Variants in ZNF780B observed in about 807,000 individuals in gnomAD.
ZNF780B encodes zinc finger protein 780B.
Under a neutral mutation model 74.1 loss-of-function variants are expected in ZNF780B, and 52 were observed. The observed-to-expected ratio is 0.70, with a 90% CI of 0.56 to 0.88. The LOEUF (loss-of-function observed/expected upper bound fraction) is 0.88, where lower values mean the gene tolerates loss of function less well. ZNF780B is among the 40% of genes least tolerant of loss of function. The probability of loss-of-function intolerance (pLI) is 0.00; values close to 1 mark genes in which losing one functional copy is unlikely to be tolerated. For synonymous variants in ZNF780B, 315 were observed against 324.3 expected, an observed-to-expected ratio of 0.97 and a Z score of 0.31; for missense variants, 953 against 1,007.6, an observed-to-expected ratio of 0.95 and a Z score of 0.73.
At position 40,034,034 on chromosome 19, in the gene ZNF780B, G is replaced by A. The variant is rs904656987; in HGVS notation, c.*323C>T. On this transcript the variant is annotated 3_prime_UTR_variant, in exon 5 of 5. Coordinates refer to ENST00000434248, the MANE Select transcript of ZNF780B (RefSeq NM_001005851.3). The stretch of plus-strand genomic sequence containing the variant: ...CACTCACAGGGTTTCTCAGCAGTAC[G>A]GATTCTCAGATGTACAGTAAGATCA... The A allele has an allele frequency of 1.1e-4, 40 of 357,534 alleles. No individual in the cohort carries two copies. Among genetic ancestry groups the A allele is most frequent in the African/African-American group, 6.9e-4 (33 of 47,622 alleles). 22.1% of individuals were successfully genotyped at this position (357,534 alleles called of 1,614,324 possible). A position where few individuals can be genotyped will look rare whatever the true frequency, so the allele number is the denominator to read the frequency against.
chr19:40,029,360 C>A lies in ZNF780B; in HGVS notation c.*4997G>T, dbSNP rs892375658. 18 of 154,540 alleles carry A rather than the reference C, an allele frequency of 1.2e-4. No individual in the cohort carries two copies. Among genetic ancestry groups the A allele is most frequent in the African/African-American group, 4.3e-4 (18 of 41,506 alleles). 9.6% of individuals were successfully genotyped at this position (154,540 alleles called of 1,614,324 possible). ...TCTTTACAACGCTGCTCAGAAACACCATGACAAATTTAAATCAGAGCAATA... is the reference window on the plus strand; with the variant it reads ...TCTTTACAACGCTGCTCAGAAACACAATGACAAATTTAAATCAGAGCAATA... On this transcript the variant is annotated 3_prime_UTR_variant, in exon 5 of 5. Coordinates refer to ENST00000434248, the MANE Select transcript of ZNF780B (RefSeq NM_001005851.3).
chr19:40,034,883 T>C lies in ZNF780B; in HGVS notation c.1976A>G (p.His659Arg). Residue 659 changes from histidine to arginine, a missense_variant, in exon 5 of 5, where the codon CAT becomes CGT. His to Arg is a conservative substitution (Grantham distance 29). Coordinates refer to ENST00000434248, the MANE Select transcript of ZNF780B (RefSeq NM_001005851.3). ...SFNRVSNLVQHQSIHAGVKPY... is the reference protein window; with the variant it reads ...SFNRVSNLVQRQSIHAGVKPY... ...TTTTACACCAGCATGAATACTCTGA[T>C]GTTGAACAAGGTTTGAGACACGATT... 6.2e-7 allele frequency: 1 copy of C among 1,613,946 alleles called. No individual in the cohort carries two copies. The highest frequency in any genetic ancestry group is 8.5e-7 in the Non-Finnish European group (1 of 1,179,960).
intron 1 of ZNF780B, chr19:40,055,447 C>T (rs1311639362): frequency 6.6e-6 from 1 of 152,196 alleles, no homozygotes; most frequent in East Asian, 1.9e-4. Context: ...ATAACGCTCT[C>T]ATCCTCCTCT....
At chr19:40,048,895 A>G (rs1973072168) in intron 2 of ZNF780B, 99 bp from the exon 3 acceptor site, 2 of 1,557,074 alleles carry the variant, frequency 1.3e-6, no homozygotes, top group African/African-American at 2.7e-5. Context: ...AAGGAGCAAT[A>G]TGGAAAATCG....
In ZNF780B at chr19:40,031,079, G is replaced by A. The variant is rs1344325199; in HGVS notation, c.*3278C>T. On this transcript the variant is annotated 3_prime_UTR_variant, in exon 5 of 5. Transcript: ENST00000434248. ...TTGAAAGAATAATCATCTGACCAGG[G>A]TATATTCATAAAAAGAAGAAAGCTA... 2.0e-5 allele frequency: 3 copies of A among 152,060 alleles called. No individual in the cohort carries two copies. Among genetic ancestry groups the A allele is most frequent in the South Asian group, 2.1e-4 (1 of 4,816 alleles). The allele number at this position is 152,060 out of a possible 1,614,324, so 9.4% of individuals were successfully genotyped here.
Position 40,030,073 on chromosome 19 carries a change from G to T in ZNF780B, c.*4284C>A, listed in dbSNP as rs1971963046. The T allele has an allele frequency of 1.3e-5, 2 of 152,088 alleles. No homozygotes were observed. The highest frequency in any genetic ancestry group is 4.8e-5 in the African/African-American group (2 of 41,396). The allele number at this position is 152,088 out of a possible 1,614,324, so 9.4% of individuals were successfully genotyped here. On this transcript the variant is annotated 3_prime_UTR_variant, in exon 5 of 5. Transcript: ENST00000434248. ...TAGATATAGCCCCATTTTAAGTCAAGGAGCATACTCTGACTGAGTATGTCT... is the reference window on the plus strand; with the variant it reads ...TAGATATAGCCCCATTTTAAGTCAATGAGCATACTCTGACTGAGTATGTCT...
intron 3 of ZNF780B, among the ~76,000 whole-genome samples, chr19:40,048,233 C>T (rs893807289): frequency 2.6e-5 from 4 of 152,140 alleles, no homozygotes; most frequent in East Asian, 3.8e-4. Flanking sequence ...CAGCCTTGAC[C>T]TCCCAGGTTC....
chr19:40,035,987 T>C lies in ZNF780B; in HGVS notation c.872A>G (p.Asn291Ser), dbSNP rs369747781. ...ATGAATTTTTTGATGCTGAATAAGA[T>C]TTGAACCACGATTAAAGGCTTTCCC... is the stretch of plus-strand genomic sequence containing the variant. ...ECGKAFNRGSNLIQHQKIHSN... is the reference protein window; with the variant it reads ...ECGKAFNRGSSLIQHQKIHSN... Residue 291 changes from asparagine (N) to serine (S), a missense_variant, in exon 5 of 5, where the codon AAT becomes AGT. Physicochemically the swap from Asn to Ser is conservative, Grantham distance 46 (BLOSUM62 1). Transcript: ENST00000434248. 32 of 1,613,920 alleles carry C rather than the reference T, an allele frequency of 2.0e-5. 1 individual carries two copies. In the African/African-American group the frequency reaches 2.7e-4, roughly 13 times the overall value.
chr19:40,046,558 T>C (rs992523343), intron 4 of ZNF780B, among the ~76,000 whole-genome samples: 1 of 152,220 alleles, frequency 6.6e-6, no homozygotes, highest in Non-Finnish European at 1.5e-5. Context: ...ACTAGAGTAC[T>C]TGAACACTTA....
At chr19:40,053,519 G>C (rs1156505586) in intron 1 of ZNF780B, among the ~76,000 whole-genome samples, 1 of 152,072 alleles carries the variant, frequency 6.6e-6, no homozygotes, top group Non-Finnish European at 1.5e-5. Context: ...CAAAAAATTA[G>C]AAATAGAACC....
chr19:40,039,166 G>C (rs1028886727), intron 4 of ZNF780B, among the ~76,000 whole-genome samples: 4 of 152,018 alleles, frequency 2.6e-5, no homozygotes, highest in Non-Finnish European at 4.4e-5. Context: ...TATTAAATAG[G>C]GAATCCTTTC....
chr19:40,034,555 A>G lies in ZNF780B; in HGVS notation c.2304T>C (p.Leu768=), dbSNP rs1198035522. The G allele has an allele frequency of 6.2e-7, 1 of 1,613,890 alleles. No individual in the cohort carries two copies. The highest frequency in any genetic ancestry group is 2.2e-5 in the East Asian group (1 of 44,866). ...CGKAFNRGSN[L]VQPQSIHTGE... ...CAGTATGAATACTCTGAGGTTGAAC[A>G]AGGTTTGAGCCACGATTAAAGGCCT... is the stretch of plus-strand genomic sequence containing the variant. The change falls in exon 5 of 5, where the codon CTT becomes CTC. Residue 768 remains leucine (L), a synonymous_variant. Coordinates refer to ENST00000434248, the MANE Select transcript of ZNF780B (RefSeq NM_001005851.3).
intron 4 of ZNF780B, among the ~76,000 whole-genome samples, chr19:40,042,697 C>T (rs1349605949): frequency 6.6e-6 from 1 of 152,210 alleles, no homozygotes; most frequent in African/African-American, 2.4e-5. Flanking sequence ...ATCGCATCAG[C>T]TCCTGAGGCT....
chr19:40,036,712 A>G, intron 4 of ZNF780B, 86 bp from the exon 5 acceptor site: 1 of 802,038 alleles, frequency 1.2e-6, no homozygotes, highest in East Asian at 2.8e-5. Flanking sequence ...GCCTAAGTAT[A>G]AAATATAATA....
intron 4 of ZNF780B, among the ~76,000 whole-genome samples, chr19:40,046,937 T>C (rs1299965057): frequency 4.6e-5 from 7 of 152,156 alleles, no homozygotes; most frequent in Non-Finnish European, 2.9e-5. Context: ...CCAAAATACG[T>C]GTTAAAAGTT....
intron 4 of ZNF780B, 177 bp downstream of exon 4, chr19:40,047,198 C>T (rs2144802695): frequency 3.5e-6 from 2 of 566,210 alleles, no homozygotes; most frequent in Middle Eastern, 4.8e-4. Context: ...TCCTTGGGGA[C>T]AGCTCCTACA....
In ZNF780B at chr19:40,036,544, C is replaced by T. The variant is rs1459952844; in HGVS notation, c.315G>A (p.Lys105=). ...FEINLPKHVI[K]QISKTLGLEA... is the part of the protein sequence containing the mutation. Reference sequence around the variant, plus strand: ...CGAGGCCAAGTGTTTTACTTATTTGCTTTATAACATGTTTGGGTAAATTTA... The same window carrying T: ...CGAGGCCAAGTGTTTTACTTATTTGTTTTATAACATGTTTGGGTAAATTTA... The change falls in exon 5 of 5, where the codon AAG becomes AAA. Residue 105 remains lysine (K), a synonymous_variant. Transcript: ENST00000434248. 2.5e-6 allele frequency: 4 copies of T among 1,593,238 alleles called. No individual in the cohort carries two copies. The highest frequency in any genetic ancestry group is 3.4e-6 in the Non-Finnish European group (4 of 1,171,756).
At chr19:40,044,101 T>C (rs1972813533) in intron 4 of ZNF780B, among the ~76,000 whole-genome samples, 1 of 152,144 alleles carries the variant, frequency 6.6e-6, no homozygotes, top group Non-Finnish European at 1.5e-5. Flanking sequence ...CCTCAGAACA[T>C]CTGAATGAAT....
intron 2 of ZNF780B, 134 bp from the exon 3 acceptor site, chr19:40,048,930 A>G: frequency 7.2e-7 from 1 of 1,381,362 alleles, no homozygotes; most frequent in Non-Finnish European, 9.8e-7. Context: ...ATTCTTCAAG[A>G]ATCCTGCTGC....
Sources: gnomAD v4.1 joint callset for allele counts (sites outside exome capture counted in the v4.1 genomes callset) on GRCh38, gnomAD v4.1.1 for gene constraint, MANE v1.5 for transcripts, NCBI Gene and HGNC (gene_info 2026-07-23, HGNC 2026-07-21) for gene names.